Variants in VWDE observed in about 807,000 individuals in gnomAD.
The protein encoded by VWDE is von Willebrand factor D and EGF domains.
VWDE carries 207 observed loss-of-function variants against 178.4 expected under a neutral mutation model. That is an observed-to-expected ratio of 1.16 (90% CI 1.04 to 1.30). VWDE has a LOEUF of 1.30. Among genes scored for constraint, VWDE ranks in the 50% most tolerant of loss-of-function variants. The probability of loss-of-function intolerance (pLI) is 0.00; values close to 1 mark genes in which losing one functional copy is unlikely to be tolerated. For synonymous variants in VWDE, 738 were observed against 651.4 expected (o/e 1.13, Z -2.02); for missense variants, 2,287 against 1,901.3 (o/e 1.20, Z -3.77).
chr7:12,351,744 A>G, intron 18 of VWDE, 31 bp from the exon 19 acceptor site: 2 of 1,511,692 alleles, frequency 1.3e-6, no homozygotes, highest in African/African-American at 1.4e-5. Context: ...AACAGATTAG[A>G]CTTAAACTAT....
In VWDE at chr7:12,374,750, C is replaced by A. The variant is rs1304188255; in HGVS notation, c.1255G>T (p.Asp419Tyr). The change falls in exon 9 of 29, where the codon GAT (aspartate) becomes TAT (tyrosine). Residue 419 changes from aspartate to tyrosine, a missense_variant. Coordinates refer to ENST00000275358, the MANE Select transcript of VWDE (RefSeq NM_001135924.3). ...GTATAGCAGTAAGCAGTTGGGACAT[C>A]CTTTACTTTGATCTTAAAAGCAAAG... ...IPDSIQIKVK[D>Y]VPTAYCYTFT... 6.5e-7 allele frequency: 1 copy of A among 1,535,064 alleles called. No individual in the cohort carries two copies. The highest frequency in any genetic ancestry group is 2.1e-5 in the Admixed American group (1 of 48,498).
chr7:12,341,391 T>C (rs1289833486), intron 23 of VWDE, among the ~76,000 whole-genome samples: 1 of 152,116 alleles, frequency 6.6e-6, no homozygotes, highest in Non-Finnish European at 1.5e-5. Context: ...CCCAGTACTT[T>C]GAGAGGCTGA....
rs1031360903 is a variant in VWDE at position 12,357,267 on chromosome 7, C to T, written c.3523G>A (p.Glu1175Lys). The part of the protein sequence containing the change: ...DCDAETRVTI[E>K]VTVKSCDCLN... ...ACTTATGTAATTATAAAGATTACCT[C>T]AATCGTGACTCTAGTTTCAGCATCG... The change falls in exon 17 of 29, where the codon GAG (glutamate) becomes AAG (lysine). Residue 1175 changes from glutamate (E) to lysine (K), a missense_variant and splice_region_variant. By Grantham distance (56) the Glu-to-Lys change is moderately conservative (BLOSUM62 1). Transcript: ENST00000275358. The T allele has an allele frequency of 1.9e-6, 3 of 1,551,842 alleles. No homozygotes were observed. Among genetic ancestry groups the T allele is most frequent in the Non-Finnish European group, 2.6e-6 (3 of 1,146,818 alleles).
intron 19 of VWDE, among the ~76,000 whole-genome samples, chr7:12,347,916 G>A (rs1156464641): frequency 9.2e-5 from 14 of 152,092 alleles, no homozygotes; most frequent in South Asian, 2.1e-4. Context: ...CAGAAATAAC[G>A]CCGCGTATCT....
At chr7:12,362,643 T>G (rs1238550472) in intron 13 of VWDE, among the ~76,000 whole-genome samples, 1 of 152,080 alleles carries the variant, frequency 6.6e-6, no homozygotes, top group Non-Finnish European at 1.5e-5. Context: ...CCACTCAGAA[T>G]TTGTCATAGA....
Position 12,393,750 on chromosome 7 carries a change from C to A in VWDE, c.87G>T (p.Gln29His). 6.4e-7 allele frequency: 1 copy of A among 1,550,578 alleles called. No homozygotes were observed. The highest frequency in any genetic ancestry group is 8.7e-7 in the Non-Finnish European group (1 of 1,146,394). The change falls in exon 2 of 29, where the codon CAG becomes CAT. Residue 29 changes from glutamine to histidine, a missense_variant. Coordinates refer to ENST00000275358, the MANE Select transcript of VWDE (RefSeq NM_001135924.3). ...EAQECSPGGH[Q>H]FLRSPYRSVR... is the part of the protein sequence containing the mutation. ...CACTTCTATAAGGACTCCGAAGAAA[C>A]TGGTGTCCCCCAGGAGAGCACTCCT...
Position 12,336,953 on chromosome 7 carries a change from C to T in VWDE, c.4558+35G>A, listed in dbSNP as rs1039939295. On this transcript the variant is annotated intron_variant, in intron 26 of 28. Transcript: ENST00000275358. ...CTCTGCTTTACATTCCCATGAAGGA[C>T]GAAAGCTTCAGTGTTTTAAGAGTAT... The T allele has an allele frequency of 7.3e-6, 11 of 1,508,282 alleles. No individual in the cohort carries two copies. In the South Asian group the frequency reaches 1.1e-4, roughly 16 times the overall value. The allele number at this position is 1,508,282 out of a possible 1,614,324, so 93.4% of individuals were successfully genotyped here. A position where few individuals can be genotyped will look rare whatever the true frequency, so the allele number is the denominator to read the frequency against.
intron 1 of VWDE, among the ~76,000 whole-genome samples, chr7:12,401,279 T>C (rs1468466695): frequency 3.3e-5 from 5 of 152,008 alleles, no homozygotes; most frequent in African/African-American, 1.2e-4. Flanking sequence ...AGTAATACCA[T>C]CTCCATATAG....
chr7:12,397,385 G>A (rs1784680877), intron 1 of VWDE, among the ~76,000 whole-genome samples: 1 of 152,150 alleles, frequency 6.6e-6, no homozygotes, highest in African/African-American at 2.4e-5. Flanking sequence ...GAATGAAACT[G>A]TACCCCTACT....
chr7:12,344,207 T>C lies in VWDE; in HGVS notation c.4066A>G (p.Thr1356Ala). 6.4e-7 allele frequency: 1 copy of C among 1,551,052 alleles called. No individual in the cohort carries two copies. Among genetic ancestry groups the C allele is most frequent in the Admixed American group, 2.0e-5 (1 of 50,956 alleles). The change falls in exon 21 of 29, where the codon ACC becomes GCC. Residue 1356 changes from threonine (T) to alanine (A), a missense_variant. Coordinates refer to ENST00000275358, the MANE Select transcript of VWDE (RefSeq NM_001135924.3). ...CQCLPGHGGA[T>A]CDEEHCNPPC... Reference sequence around the variant, plus strand: ...TTTGAATTATCACCTTCATCACAGGTTGCTCCACCATGTCCTGGAAGACAC... The same window carrying C: ...TTTGAATTATCACCTTCATCACAGGCTGCTCCACCATGTCCTGGAAGACAC...
intron 1 of VWDE, among the ~76,000 whole-genome samples, chr7:12,398,793 C>T (rs1784744400): frequency 6.6e-6 from 1 of 151,310 alleles, no homozygotes; most frequent in South Asian, 2.1e-4. Context: ...AATGCAGAAA[C>T]AGAAAACCAA....
At position 12,369,726 on chromosome 7, in the gene VWDE, A is replaced by C; in HGVS notation, c.2580T>G (p.Asn860Lys). ...WAEAGVALLE[N>K]ECEKRIVEEG... ...CCTCCACAATCCTCTTTTCACATTC[A>C]TTTTCTAAAAGGGCCACACCTGCTT... Residue 860 changes from asparagine to lysine, a missense_variant, in exon 12 of 29, where the codon AAT becomes AAG. Asn to Lys is a moderately conservative substitution (Grantham distance 94). Coordinates refer to ENST00000275358, the MANE Select transcript of VWDE (RefSeq NM_001135924.3). The C allele has an allele frequency of 6.4e-7, 1 of 1,551,424 alleles. No homozygotes were observed. Among genetic ancestry groups the C allele is most frequent in the Non-Finnish European group, 8.7e-7 (1 of 1,146,862 alleles).
At chr7:12,375,826 G>A (rs112139862) in intron 7 of VWDE, among the ~76,000 whole-genome samples, 110 of 151,796 alleles carry the variant, frequency 7.2e-4, no homozygotes, top group Middle Eastern at 6.8e-3. Flanking sequence ...ATGCTCCCTC[G>A]CTTCGATAAC....
chr7:12,349,235 T>TAATAAATA (rs372504783), intron 19 of VWDE, among the ~76,000 whole-genome samples: 27 of 130,024 alleles, frequency 2.1e-4, no homozygotes, highest in African/African-American at 5.4e-4. Flanking sequence ...ATAATCATAA[T>TAATAAATA]AATAAATAAA....
At chr7:12,331,928 T>C (rs1165639775) in intron 28 of VWDE, among the ~76,000 whole-genome samples, 1 of 152,136 alleles carries the variant, frequency 6.6e-6, no homozygotes, top group Non-Finnish European at 1.5e-5. Flanking sequence ...AGTAATTCTT[T>C]TTCATTGAAA....
chr7:12,391,929 C>T (rs1320893884), intron 2 of VWDE, among the ~76,000 whole-genome samples: 1 of 152,140 alleles, frequency 6.6e-6, no homozygotes, highest in Non-Finnish European at 1.5e-5. Flanking sequence ...AGAATGAACT[C>T]ACACCCAAAA....
chr7:12,383,596 A>G lies in VWDE; in HGVS notation c.481T>C (p.Ser161Pro), dbSNP rs1783960980. The G allele has an allele frequency of 1.3e-6, 2 of 1,550,296 alleles. No homozygotes were observed. Among genetic ancestry groups the G allele is most frequent in the Non-Finnish European group, 1.7e-6 (2 of 1,145,858 alleles). The change falls in exon 4 of 29, where the codon TCT (serine) becomes CCT (proline). Residue 161 changes from serine to proline, a missense_variant. Ser to Pro is a moderately conservative substitution (Grantham distance 74). Coordinates refer to ENST00000275358, the MANE Select transcript of VWDE (RefSeq NM_001135924.3). Reference protein sequence around the residue: ...GCMGYCAEAISDARLHPCGSD... With the variant: ...GCMGYCAEAIPDARLHPCGSD... ...CCACATGGGTGTAATCGTGCATCAG[A>G]AATAGCTGCCAAGGGTTAAGGTTTG...
At position 12,344,302 on chromosome 7, in the gene VWDE, A is replaced by G. The variant is rs1366380083; in HGVS notation, c.3983-12T>C. ...AGGGTCACAAAGAGCTGTATAAAAT[A>G]AAGCCCAAGTTTTAGACATATCAAT... On this transcript the variant is annotated splice_polypyrimidine_tract_variant and intron_variant, in intron 20 of 28. Coordinates refer to ENST00000275358, the MANE Select transcript of VWDE (RefSeq NM_001135924.3). 1.3e-6 allele frequency: 2 copies of G among 1,550,890 alleles called. No homozygotes were observed. Among genetic ancestry groups the G allele is most frequent in the South Asian group, 2.4e-5 (2 of 84,006 alleles).
At chr7:12,342,917 G>A (rs578118624) in intron 22 of VWDE, among the ~76,000 whole-genome samples, 166 bp downstream of exon 22, 3 of 150,476 alleles carry the variant, frequency 2.0e-5, no homozygotes, top group African/African-American at 7.3e-5. Context: ...CCACCTATGA[G>A]TGAGAACATG....
Sources: allele counts gnomAD v4.1 joint callset (sites outside exome capture counted in the v4.1 genomes callset), GRCh38; gene constraint gnomAD v4.1.1; transcripts MANE v1.5; gene names NCBI Gene and HGNC (gene_info 2026-07-23, HGNC 2026-07-21).